Variants in PSMD14 observed in about 807,000 individuals in gnomAD.
The protein encoded by PSMD14 is ubiquitin C-terminal hydrolase PSMD14.
In PSMD14, 7 loss-of-function variants were observed where a neutral mutation model predicts 41.2. The ratio of observed to expected loss-of-function variants is 0.17; its 90% CI spans 0.10 to 0.32. The LOEUF is 0.32. Ranked by LOEUF, PSMD14 falls within the 10% of genes least tolerant of loss-of-function variation. The pLI, the probability that PSMD14 is intolerant of heterozygous loss-of-function variation, is 1.00. For missense variants in PSMD14, 139 were observed against 375.6 expected (o/e 0.37, Z 5.21); for synonymous variants, 114 against 122.3 (o/e 0.93, Z 0.45).
chr2:161,367,930 C>T, intron 5 of PSMD14, 27 bp downstream of exon 5: 1 of 1,596,250 alleles, frequency 6.3e-7, no homozygotes, highest in Non-Finnish European at 8.5e-7. Flanking sequence ...TTGCCTGCTG[C>T]AAGTAAATGT....
intron 3 of PSMD14, among the ~76,000 whole-genome samples, chr2:161,329,669 A>G (rs1170194767): frequency 6.6e-6 from 1 of 152,196 alleles, no homozygotes; most frequent in African/African-American, 2.4e-5. Context: ...ATTTTGCTTT[A>G]GAAACAAAGC....
chr2:161,386,723 G>A (rs996628528), intron 8 of PSMD14, among the ~76,000 whole-genome samples: 1 of 151,684 alleles, frequency 6.6e-6, no homozygotes. Flanking sequence ...TATAAACTTC[G>A]GTAGCATCAT....
intron 8 of PSMD14, 58 bp downstream of exon 8, chr2:161,385,629 A>AT: frequency 9.7e-7 from 1 of 1,033,870 alleles, no homozygotes; most frequent in Non-Finnish European, 1.5e-6. Context: ...AGCCTGCTAT[A>AT]AGTAGTCTTT....
chr2:161,342,999 G>C (rs922653253), intron 3 of PSMD14, among the ~76,000 whole-genome samples: 5 of 151,998 alleles, frequency 3.3e-5, no homozygotes, highest in African/African-American at 1.2e-4. Flanking sequence ...GGACCTTTGT[G>C]CTATATGTTG....
chr2:161,348,989 T>G (rs956205970), intron 3 of PSMD14, among the ~76,000 whole-genome samples: 11 of 152,238 alleles, frequency 7.2e-5, no homozygotes, highest in African/African-American at 2.7e-4. Context: ...CTCACATACC[T>G]GGTTCATTGG....
Sources: gnomAD v4.1 joint callset for allele counts (sites outside exome capture counted in the v4.1 genomes callset) on GRCh38, gnomAD v4.1.1 for gene constraint, MANE v1.5 for transcripts, NCBI Gene and HGNC (gene_info 2026-07-23, HGNC 2026-07-21) for gene names.